Variants in ELMO1 observed in about 807,000 individuals in gnomAD.
ELMO1 encodes engulfment and cell motility 1, also known as engulfment and cell motility protein 1.
Under a neutral mutation model 98.9 loss-of-function variants are expected in ELMO1, and 26 were observed. The observed-to-expected ratio is 0.26, with a 90% confidence interval of 0.19 to 0.36. ELMO1 has a LOEUF of 0.36. Ranked by LOEUF, ELMO1 falls within the 10% of genes least tolerant of loss-of-function variation. The pLI is 1.00. For missense variants in ELMO1, 627 were observed against 935.2 expected (o/e 0.67, Z 4.30); for synonymous variants, 346 against 346.0 (o/e 1.00, Z 0.00).
At chr7:36,968,891 A>C (rs1358574933) in intron 16 of ELMO1, among the ~76,000 whole-genome samples, 1 of 152,114 alleles carries the variant, frequency 6.6e-6, no homozygotes, top group African/African-American at 2.4e-5. Flanking sequence ...TGGGGCTACA[A>C]ATATACTATT....
intron 1 of ELMO1, among the ~76,000 whole-genome samples, chr7:37,384,036 C>T (rs929443167): frequency 3.3e-5 from 5 of 152,122 alleles, no homozygotes; most frequent in African/African-American, 7.2e-5. Flanking sequence ...AGGATGGTCT[C>T]GATCTCCTGA....
intron 15 of ELMO1, among the ~76,000 whole-genome samples, chr7:37,082,755 G>T (rs948290417): frequency 2.7e-5 from 4 of 149,632 alleles, no homozygotes; most frequent in African/African-American, 9.9e-5. Flanking sequence ...AAACAGAAAA[G>T]CCCATTTTGC....
At chr7:37,339,367 C>A (rs1344217954) in intron 2 of ELMO1, among the ~76,000 whole-genome samples, 1 of 152,156 alleles carries the variant, frequency 6.6e-6, no homozygotes, top group Non-Finnish European at 1.5e-5. Context: ...AAGGACAATA[C>A]AATGTGATAA....
At chr7:37,162,722 A>T (rs1267067972) in intron 13 of ELMO1, among the ~76,000 whole-genome samples, 1 of 152,234 alleles carries the variant, frequency 6.6e-6, no homozygotes, top group African/African-American at 2.4e-5. Context: ...CAAAAAAATA[A>T]GGCTGATCCA....
intron 13 of ELMO1, among the ~76,000 whole-genome samples, chr7:37,155,503 A>AAAAAAAATAAAAAT (rs61189239): frequency 1.5e-5 from 2 of 131,738 alleles, no homozygotes; most frequent in East Asian, 4.5e-4. Context: ...AAAAAAAAAA[A>AAAAAAAATAAAAAT]AAAAAGCAGG....
chr7:37,221,447 T>A (rs940508004), intron 10 of ELMO1, among the ~76,000 whole-genome samples: 9 of 152,164 alleles, frequency 5.9e-5, no homozygotes, highest in African/African-American at 2.2e-4. Context: ...GTGAAAGAGC[T>A]CATATTCCCA....
chr7:37,224,517 A>G (rs1345998703), intron 9 of ELMO1, among the ~76,000 whole-genome samples: 1 of 152,246 alleles, frequency 6.6e-6, no homozygotes, highest in Non-Finnish European at 1.5e-5. Flanking sequence ...ATTATATCAC[A>G]GAAAACATTA....
intron 17 of ELMO1, among the ~76,000 whole-genome samples, chr7:36,893,259 G>T (rs1805712512): frequency 6.6e-6 from 1 of 152,168 alleles, no homozygotes; most frequent in South Asian, 2.1e-4. Flanking sequence ...CTGGGATGGG[G>T]CAAGGAGCCA....
At chr7:37,031,519 C>T (rs150800927) in intron 15 of ELMO1, among the ~76,000 whole-genome samples, 1 of 152,190 alleles carries the variant, frequency 6.6e-6, no homozygotes, top group African/African-American at 2.4e-5. Context: ...GCAGGTCTTT[C>T]AGAATCCAGA....
chr7:37,131,687 C>T (rs1023009522), intron 14 of ELMO1, among the ~76,000 whole-genome samples: 4 of 152,174 alleles, frequency 2.6e-5, no homozygotes, highest in African/African-American at 7.2e-5. Flanking sequence ...AAAATATATT[C>T]GCATATAAGT....
At chr7:37,065,756 G>C (rs1796925671) in intron 15 of ELMO1, among the ~76,000 whole-genome samples, 1 of 152,214 alleles carries the variant, frequency 6.6e-6, no homozygotes, top group African/African-American at 2.4e-5. Flanking sequence ...GCTCGTGCTA[G>C]TGGACTGGAG....
At chr7:37,142,332 A>C (rs951355257) in intron 13 of ELMO1, among the ~76,000 whole-genome samples, 1 of 152,252 alleles carries the variant, frequency 6.6e-6, no homozygotes, top group East Asian at 1.9e-4. Flanking sequence ...CATGAACACA[A>C]GTAACATTTA....
At chr7:37,182,007 C>G (rs570008609) in intron 13 of ELMO1, among the ~76,000 whole-genome samples, 1 of 127,018 alleles carries the variant, frequency 7.9e-6, no homozygotes, top group Non-Finnish European at 1.6e-5. Flanking sequence ...CCTCCAATTG[C>G]CCCCCTCTCA....
intron 18 of ELMO1, among the ~76,000 whole-genome samples, chr7:36,887,121 T>A (rs539893189): frequency 6.6e-6 from 1 of 152,330 alleles, no homozygotes; most frequent in Admixed American, 6.5e-5. Context: ...AGTGCCTCTA[T>A]TTCCTAATCT....
chr7:37,297,569 T>C (rs1377060389), intron 4 of ELMO1, among the ~76,000 whole-genome samples: 1 of 150,258 alleles, frequency 6.7e-6, no homozygotes, highest in Non-Finnish European at 1.5e-5. Flanking sequence ...AGGAACTACA[T>C]AAAGACTTAC....
intron 21 of ELMO1, among the ~76,000 whole-genome samples, chr7:36,858,623 T>C (rs1802383182): frequency 6.6e-6 from 1 of 152,154 alleles, no homozygotes; most frequent in South Asian, 2.1e-4. Context: ...AGGCCCAATG[T>C]AATCCCAAAG....
At chr7:37,045,356 G>A (rs1386395713) in intron 15 of ELMO1, among the ~76,000 whole-genome samples, 2 of 152,132 alleles carry the variant, frequency 1.3e-5, no homozygotes, top group Admixed American at 1.3e-4. Flanking sequence ...TGTTTTTCTT[G>A]AACTGGACTG....
intron 14 of ELMO1, among the ~76,000 whole-genome samples, chr7:37,118,539 C>T (rs1037777822): frequency 4.6e-5 from 7 of 152,204 alleles, no homozygotes; most frequent in East Asian, 1.9e-4. Flanking sequence ...AGATAAACAC[C>T]GAGCAAATAC....
intron 4 of ELMO1, among the ~76,000 whole-genome samples, chr7:37,282,422 C>T (rs1797185643): frequency 6.6e-6 from 1 of 152,210 alleles, no homozygotes; most frequent in South Asian, 2.1e-4. Context: ...ACTGTTTTTG[C>T]ATGCAAGCCT....
Sources: gnomAD v4.1 joint callset for allele counts (sites outside exome capture counted in the v4.1 genomes callset) on GRCh38, gnomAD v4.1.1 for gene constraint, MANE v1.5 for transcripts, NCBI Gene and HGNC (gene_info 2026-07-23, HGNC 2026-07-21) for gene names.